Variants in ELP4 observed in about 807,000 individuals in gnomAD.
ELP4 encodes elongator acetyltransferase complex subunit 4.
A neutral mutation model predicts 48.9 loss-of-function variants in ELP4; 51 were observed. That is an observed-to-expected ratio of 1.04 (90% confidence interval 0.83 to 1.32). The LOEUF (loss-of-function observed/expected upper bound fraction) is 1.32, where lower values mean the gene tolerates loss of function less well. ELP4 is among the 40% of genes most tolerant of loss of function. The pLI is 0.00. For synonymous variants in ELP4, 210 were observed against 189.2 expected (o/e 1.11, Z -0.90); for missense variants, 519 against 514.6 (o/e 1.01, Z -0.08).
chr11:31,656,731 A>G (rs964278537), intron 9 of ELP4, among the ~76,000 whole-genome samples: 1 of 152,056 alleles, frequency 6.6e-6, no homozygotes, highest in Non-Finnish European at 1.5e-5. Context: ...TTAGACCAGG[A>G]GGATACAGCC....
intron 4 of ELP4, chr11:31,600,219 CA>C (rs1957754992): frequency 3.0e-5 from 2 of 66,536 alleles, no homozygotes; most frequent in Non-Finnish European, 9.6e-5. Flanking sequence ...CTCTTTTCTT[CA>C]CCATGTGATT....
chr11:31,518,025 A>G (rs927975412), intron 1 of ELP4, among the ~76,000 whole-genome samples: 2 of 152,214 alleles, frequency 1.3e-5, no homozygotes, highest in Non-Finnish European at 2.9e-5. Flanking sequence ...TCAAAATGGC[A>G]ATAGTTTTAC....
chr11:31,544,789 C>A (rs934119892), intron 3 of ELP4, among the ~76,000 whole-genome samples: 1 of 152,176 alleles, frequency 6.6e-6, no homozygotes, highest in Non-Finnish European at 1.5e-5. Flanking sequence ...CGGCCGGGTA[C>A]TCCTCTGAGA....
At chr11:31,597,460 T>C (rs1195263915) in intron 4 of ELP4, among the ~76,000 whole-genome samples, 7 of 152,164 alleles carry the variant, frequency 4.6e-5, no homozygotes, top group Admixed American at 4.6e-4. Context: ...ACTAGAAATA[T>C]AGGACTAGCA....
chr11:31,623,356 T>TAA, intron 5 of ELP4, among the ~76,000 whole-genome samples: 1 of 25,828 alleles, frequency 3.9e-5, no homozygotes, highest in East Asian at 8.6e-4. Flanking sequence ...TTTCAGCAAA[T>TAA]ATATATATAT....
chr11:31,629,888 G>C (rs1261639267), intron 6 of ELP4, among the ~76,000 whole-genome samples: 1 of 149,346 alleles, frequency 6.7e-6, no homozygotes, highest in East Asian at 2.0e-4. Flanking sequence ...TTAAATTCTT[G>C]CCATTTTACT....
intron 3 of ELP4, among the ~76,000 whole-genome samples, chr11:31,592,564 A>G (rs987335230): frequency 3.3e-5 from 5 of 149,552 alleles, no homozygotes; most frequent in African/African-American, 1.2e-4. Context: ...ATATATGTAT[A>G]TATAAGAAAC....
At chr11:31,772,120 CTTTTT>C (rs11406554) in intron 9 of ELP4, among the ~76,000 whole-genome samples, 1 of 132,148 alleles carries the variant, frequency 7.6e-6, no homozygotes, top group African/African-American at 2.8e-5. Context: ...TTATTTTCTT[CTTTTT>C]TTTTTTTTTT....
chr11:31,750,950 C>T (rs1482668131), intron 9 of ELP4, among the ~76,000 whole-genome samples: 1 of 152,180 alleles, frequency 6.6e-6, no homozygotes, highest in Non-Finnish European at 1.5e-5. Context: ...CTTTTCTTAA[C>T]CTCCACAGAA....
At chr11:31,587,818 T>C (rs925476852) in intron 3 of ELP4, among the ~76,000 whole-genome samples, 3 of 152,140 alleles carry the variant, frequency 2.0e-5, no homozygotes, top group African/African-American at 7.2e-5. Context: ...TTTTTAAAGA[T>C]AGCTTTAAAA....
chr11:31,591,497 A>C (rs1461354532), intron 3 of ELP4, among the ~76,000 whole-genome samples: 1 of 151,588 alleles, frequency 6.6e-6, no homozygotes, highest in Non-Finnish European at 1.5e-5. Context: ...CAGCACATGA[A>C]GTTATGCTCA....
At chr11:31,516,787 C>T (rs894677059) in intron 1 of ELP4, among the ~76,000 whole-genome samples, 6 of 152,136 alleles carry the variant, frequency 3.9e-5, no homozygotes, top group Admixed American at 1.3e-4. Flanking sequence ...CCACTGCACC[C>T]GGACCTGATC....
At chr11:31,719,812 A>G (rs1488059246) in intron 9 of ELP4, 3 of 223,170 alleles carry the variant, frequency 1.3e-5, no homozygotes, top group Non-Finnish European at 2.6e-5. Flanking sequence ...TTCACCACAA[A>G]TTAGAGAGAC....
chr11:31,593,227 C>CGTTGTTGTTGTTGT (rs1957614581), intron 3 of ELP4, among the ~76,000 whole-genome samples: 1 of 149,910 alleles, frequency 6.7e-6, no homozygotes, highest in African/African-American at 2.5e-5. Flanking sequence ...GTGAATAATA[C>CGTTGTTGTTGTTGT]TGTTGTTGTT....
In ELP4 at chr11:31,607,358, A is replaced by G. The variant is rs1957894991; in HGVS notation, c.653+3451A>G. 4.6e-5 allele frequency among the ~76,000 whole-genome samples: 7 copies of G among 152,200 alleles called. 1 individual carries two copies. The highest frequency in any genetic ancestry group is 4.6e-4 in the Admixed American group (7 of 15,282). On this transcript the variant is annotated intron_variant, in intron 5 of 9. Transcript: ENST00000640961. ...CTTTCTATCCTCCAGATCTATGAGA[A>G]AATAAAAGTGTTGGCAGGTGTGGTT...
rs528964358 is a variant in ELP4 at position 31,624,285 on chromosome 11, TC to T, written c.654-2824del. 4.0e-5 allele frequency among the ~76,000 whole-genome samples: 6 copies of T among 151,898 alleles called. No homozygotes were observed. The East Asian group carries it at 1.2e-3, about 29-fold the overall frequency. On this transcript the variant is annotated intron_variant, in intron 5 of 9. Transcript: ENST00000640961. ...ATTTCATCGAGTGTAATTACACAAATCTACGTGGTACAGTCTACATACCTAG... is the reference window on the plus strand; with the variant it reads ...ATTTCATCGAGTGTAATTACACAAATTACGTGGTACAGTCTACATACCTAG...
intron 3 of ELP4, among the ~76,000 whole-genome samples, chr11:31,589,475 T>C (rs1481920504): frequency 6.6e-6 from 1 of 152,216 alleles, no homozygotes; most frequent in African/African-American, 2.4e-5. Flanking sequence ...CTCTTTTATG[T>C]ACTCCTTTTT....
At chr11:31,643,059 A>G (rs1478812461) in intron 7 of ELP4, among the ~76,000 whole-genome samples, 2 of 151,758 alleles carry the variant, frequency 1.3e-5, no homozygotes, top group Non-Finnish European at 2.9e-5. Context: ...TTTTCAGAAA[A>G]TGTTATAAAT....
intron 2 of ELP4, among the ~76,000 whole-genome samples, chr11:31,522,944 C>T (rs1234631680): frequency 6.6e-6 from 1 of 151,884 alleles, no homozygotes; most frequent in Non-Finnish European, 1.5e-5. Flanking sequence ...ACTGCAGCCT[C>T]CAACTCCTGG....
Sources: allele counts gnomAD v4.1 joint callset (sites outside exome capture counted in the v4.1 genomes callset), GRCh38; gene constraint gnomAD v4.1.1; transcripts MANE v1.5; gene names NCBI Gene and HGNC (gene_info 2026-07-23, HGNC 2026-07-21).